Variants in FKBP5 observed in about 807,000 individuals in gnomAD.
FKBP5 encodes FKBP prolyl isomerase 5.
FKBP5 carries 23 observed loss-of-function variants against 50.5 expected under a neutral mutation model. That is an observed-to-expected ratio of 0.46 (90% CI 0.33 to 0.65). FKBP5 has a LOEUF of 0.65. Ranked by LOEUF, FKBP5 falls within the 30% of genes least tolerant of loss-of-function variation. The pLI, the probability that FKBP5 is intolerant of heterozygous loss-of-function variation, is 0.02. For synonymous variants in FKBP5, 176 were observed against 190.6 expected, an observed-to-expected ratio of 0.92 and a Z score of 0.63; for missense variants, 411 against 553.1, an observed-to-expected ratio of 0.74 and a Z score of 2.58.
Position 35,694,791 on chromosome 6 carries a change from T to C in FKBP5, c.-20+25537A>G, listed in dbSNP as rs1319612321. On this transcript the variant is annotated intron_variant, in intron 2 of 11. Coordinates refer to the FKBP5 transcript ENST00000536438. Reference sequence around the variant, plus strand: ...AGTCTAAGATTGGGGTTTTTTTAGTTATGTATTGCTTCATAGCAAACTATT... The same window carrying C: ...AGTCTAAGATTGGGGTTTTTTTAGTCATGTATTGCTTCATAGCAAACTATT... 5.3e-5 allele frequency among the ~76,000 whole-genome samples: 8 copies of C among 152,190 alleles called. 1 individual carries two copies. Among genetic ancestry groups the C allele is most frequent in the Admixed American group, 5.2e-4 (8 of 15,276 alleles).
chr6:35,720,051 G>T (rs1377588712), intron 2 of FKBP5, among the ~76,000 whole-genome samples: 2 of 152,022 alleles, frequency 1.3e-5, no homozygotes, highest in Non-Finnish European at 2.9e-5. Flanking sequence ...CAGCTCGGCA[G>T]TTGGGGGCTA....
At chr6:35,601,828 G>C (rs1027431589) in intron 5 of FKBP5, among the ~76,000 whole-genome samples, 1 of 152,076 alleles carries the variant, frequency 6.6e-6, no homozygotes. Context: ...CTTCTACTTA[G>C]GGCTTTTTTG....
intron 1 of FKBP5, among the ~76,000 whole-genome samples, chr6:35,664,549 G>A (rs1379095359): frequency 6.6e-6 from 1 of 152,138 alleles, no homozygotes; most frequent in Non-Finnish European, 1.5e-5. Context: ...AAGGTAGGCT[G>A]CAGTAACATT....
At position 35,576,023 on chromosome 6, in the gene FKBP5, G is replaced by A. The variant is rs1762200840; in HGVS notation, c.1267-81C>T. ...CTGGCTCCTCCAGACTGTGTATCAG[G>A]TCCCAAACACGAGGTATTGCAATGA... On this transcript the variant is annotated intron_variant, in intron 10 of 10. Transcript: ENST00000357266. 4.1e-6 allele frequency: 4 copies of A among 964,546 alleles called. No individual in the cohort carries two copies. In the Admixed American group the frequency reaches 6.9e-5, roughly 17 times the overall value. 59.7% of individuals were successfully genotyped at this position (964,546 alleles called of 1,614,324 possible).
chr6:35,693,357 G>A (rs907125380), upstream of FKBP5, among the ~76,000 whole-genome samples: 1 of 151,368 alleles, frequency 6.6e-6, no homozygotes, highest in Non-Finnish European at 1.5e-5. Flanking sequence ...TAGAGACGGG[G>A]TTTCACCATG....
chr6:35,584,833 C>T lies in FKBP5; in HGVS notation c.840+2201G>A, dbSNP rs937025175. On this transcript the variant is annotated intron_variant, in intron 8 of 10. Coordinates refer to ENST00000357266, the MANE Select transcript of FKBP5 (RefSeq NM_004117.4). ...TTTTTCCATGTGTGTGACTGCTGAT[C>T]CAGATTTTATCCAAAGATTGGTAAT... is the stretch of plus-strand genomic sequence containing the variant. 7.1e-6 allele frequency: 7 copies of T among 985,254 alleles called. No individual in the cohort carries two copies. The African/African-American group carries it at 1.2e-4, about 17-fold the overall frequency. The allele number at this position is 985,254 out of a possible 1,614,324, so 61.0% of individuals were successfully genotyped here.
At chr6:35,625,428 C>T (rs1191450968) in intron 3 of FKBP5, among the ~76,000 whole-genome samples, 1 of 151,858 alleles carries the variant, frequency 6.6e-6, no homozygotes, top group Non-Finnish European at 1.5e-5. Context: ...TTCAGGATCT[C>T]AGTCATAGGT....
At chr6:35,612,412 C>A (rs1464326878) in intron 5 of FKBP5, among the ~76,000 whole-genome samples, 1 of 151,972 alleles carries the variant, frequency 6.6e-6, no homozygotes, top group Non-Finnish European at 1.5e-5. Flanking sequence ...AAAGAGGAGT[C>A]AAGGATCTTT....
intron 2 of FKBP5, among the ~76,000 whole-genome samples, chr6:35,714,294 A>G: frequency 7.1e-6 from 1 of 140,106 alleles, no homozygotes; most frequent in Non-Finnish European, 1.5e-5. Flanking sequence ...TCTACTAAAA[A>G]TACAAAAATT....
chr6:35,676,585 T>C (rs1441981775), intron 1 of FKBP5, among the ~76,000 whole-genome samples: 1 of 152,264 alleles, frequency 6.6e-6, no homozygotes, highest in Non-Finnish European at 1.5e-5. Flanking sequence ...ATTTTTCTCT[T>C]TTTTCCACCC....
chr6:35,623,722 A>G (rs1763915645), intron 3 of FKBP5, among the ~76,000 whole-genome samples: 1 of 150,662 alleles, frequency 6.6e-6, no homozygotes, highest in Non-Finnish European at 1.5e-5. Flanking sequence ...GACATGTACC[A>G]CCACATTGGG....
In FKBP5 at chr6:35,580,072, A is replaced by C. The variant is rs1429523677; in HGVS notation, c.990T>G (p.Leu330=). ...ATTCAACAGCTTTGGTGTATTCTCT[A>C]AGCTTCAGGTAGCACATGGCCAGGT... ...FLNLAMCYLK[L]REYTKAVECC... The change falls in exon 9 of 11, where the codon CTT becomes CTG. Residue 330 remains leucine (L), a synonymous_variant. Coordinates refer to ENST00000357266, the MANE Select transcript of FKBP5 (RefSeq NM_004117.4). 1.2e-6 allele frequency: 2 copies of C among 1,614,168 alleles called. No individual in the cohort carries two copies. The highest frequency in any genetic ancestry group is 2.2e-5 in the South Asian group (2 of 91,070).
intron 5 of FKBP5, among the ~76,000 whole-genome samples, chr6:35,617,682 A>T (rs925637098): frequency 1.2e-4 from 19 of 152,228 alleles, no homozygotes; most frequent in African/African-American, 4.6e-4. Flanking sequence ...ACTGAACACC[A>T]AATGTGTGTC....
At chr6:35,657,147 G>A (rs1238306030) in intron 1 of FKBP5, among the ~76,000 whole-genome samples, 2 of 151,952 alleles carry the variant, frequency 1.3e-5, no homozygotes, top group Admixed American at 6.6e-5. Flanking sequence ...CCCGGGAGGC[G>A]GAGCTTGCAG....
chr6:35,649,360 C>T (rs542497765), intron 1 of FKBP5, among the ~76,000 whole-genome samples: 3 of 151,146 alleles, frequency 2.0e-5, no homozygotes, highest in African/African-American at 7.3e-5. Flanking sequence ...ATGCAATTAC[C>T]TCTGAAATCT....
At chr6:35,584,259 G>A in intron 8 of FKBP5, 1 of 985,404 alleles carries the variant, frequency 1.0e-6, no homozygotes, top group Non-Finnish European at 1.2e-6. Context: ...GTATTCAGAG[G>A]TTGAAATGAG....
chr6:35,625,892 G>C (rs1288096685), intron 3 of FKBP5, among the ~76,000 whole-genome samples: 2 of 151,098 alleles, frequency 1.3e-5, no homozygotes, highest in Non-Finnish European at 2.9e-5. Context: ...CCATTCTCCT[G>C]CCTCAGCCTC....
intron 5 of FKBP5, among the ~76,000 whole-genome samples, chr6:35,606,504 T>A (rs990397638): frequency 4.6e-5 from 7 of 150,774 alleles, no homozygotes; most frequent in Admixed American, 3.3e-4. Flanking sequence ...AAAAATATTT[T>A]AAAAAATTAG....
intron 2 of FKBP5, among the ~76,000 whole-genome samples, chr6:35,694,206 C>T (rs1200139137): frequency 2.6e-5 from 4 of 152,110 alleles, no homozygotes; most frequent in East Asian, 1.9e-4. Context: ...AGTGCGGTGG[C>T]GTGATCATGG....
Sources: allele counts gnomAD v4.1 joint callset (sites outside exome capture counted in the v4.1 genomes callset), GRCh38; gene constraint gnomAD v4.1.1; transcripts MANE v1.5; gene names NCBI Gene and HGNC (gene_info 2026-07-23, HGNC 2026-07-21).